MPP7: variants seen among roughly 807,000 people sequenced by gnomAD.
The protein encoded by MPP7 is MAGUK p55 scaffold protein 7.
In MPP7, 60 loss-of-function variants were observed where a neutral mutation model predicts 76.5. The ratio of observed to expected loss-of-function variants is 0.78; its 90% CI spans 0.64 to 0.97. The LOEUF (loss-of-function observed/expected upper bound fraction) is 0.97. Ranked by LOEUF, MPP7 falls within the 50% of genes least tolerant of loss-of-function variation. The pLI is 0.00. For synonymous variants in MPP7, 237 were observed against 244.5 expected (o/e 0.97, Z 0.29); for missense variants, 641 against 694.0 (o/e 0.92, Z 0.86).
Position 28,056,461 on chromosome 10 carries a change from C to CA in MPP7, c.1551+18dup, listed in dbSNP as rs765398267. The CA allele has an allele frequency of 6.2e-7, 1 of 1,603,604 alleles. No individual in the cohort carries two copies. The highest frequency in any genetic ancestry group is 8.5e-7 in the Non-Finnish European group (1 of 1,177,108). Reference sequence around the variant, plus strand: ...GGTGTGGGCCACCACACCTGGCCCCCAAGCATCATTATACTTACTGTGAAG... The same window carrying CA: ...GGTGTGGGCCACCACACCTGGCCCCCAAAGCATCATTATACTTACTGTGAAG... On this transcript the variant is annotated intron_variant, in intron 16 of 16. Transcript: ENST00000683449.
At chr10:28,059,600 T>A in intron 14 of MPP7, 50 bp downstream of exon 14, 1 of 1,190,388 alleles carries the variant, frequency 8.4e-7, no homozygotes, top group Non-Finnish European at 1.3e-6. Flanking sequence ...GGGACAGGCA[T>A]GTGCTTATAA....
intron 2 of MPP7, among the ~76,000 whole-genome samples, chr10:28,319,728 C>A (rs1347722807): frequency 6.6e-6 from 1 of 152,164 alleles, no homozygotes; most frequent in Non-Finnish European, 1.5e-5. Context: ...GTAATCCCAG[C>A]ACTTTGGGAG....
chr10:28,184,422 A>G (rs1250257515), intron 3 of MPP7, among the ~76,000 whole-genome samples: 1 of 148,600 alleles, frequency 6.7e-6, no homozygotes, highest in Non-Finnish European at 1.5e-5. Flanking sequence ...TTAAGATACT[A>G]TCTTGATCAG....
intron 6 of MPP7, among the ~76,000 whole-genome samples, chr10:28,129,067 T>C (rs569874538): frequency 6.6e-6 from 1 of 152,342 alleles, no homozygotes; most frequent in East Asian, 1.9e-4. Context: ...TGAATCAATC[T>C]TCACTTTGAA....
At chr10:28,114,178 CAGA>C (rs1834590230) in intron 11 of MPP7, among the ~76,000 whole-genome samples, 2 of 152,132 alleles carry the variant, frequency 1.3e-5, no homozygotes, top group South Asian at 4.1e-4. Context: ...TGGGAGGCCA[CAGA>C]AGGAGGATCA....
chr10:28,174,020 T>C (rs1244917175), intron 3 of MPP7, among the ~76,000 whole-genome samples: 5 of 152,022 alleles, frequency 3.3e-5, no homozygotes, highest in African/African-American at 7.3e-5. Flanking sequence ...ACGAAACATA[T>C]GAAGAAGTAC....
chr10:28,165,535 GAAA>G (rs11366770), intron 3 of MPP7, among the ~76,000 whole-genome samples: 10 of 135,734 alleles, frequency 7.4e-5, no homozygotes, highest in Middle Eastern at 3.9e-3. Flanking sequence ...CTAAGAAAAG[GAAA>G]AAAAAAAAAA....
intron 13 of MPP7, among the ~76,000 whole-genome samples, chr10:28,061,924 T>C (rs950951125): frequency 3.3e-5 from 5 of 152,036 alleles, no homozygotes; most frequent in Non-Finnish European, 7.4e-5. Flanking sequence ...CAAAATGTGT[T>C]TCAAGAATAA....
intron 2 of MPP7, among the ~76,000 whole-genome samples, chr10:28,222,713 G>A (rs1439768712): frequency 6.6e-6 from 1 of 151,676 alleles, no homozygotes; most frequent in Non-Finnish European, 1.5e-5. Context: ...TTAGCCAGGC[G>A]TGGTGGCGGG....
intron 11 of MPP7, among the ~76,000 whole-genome samples, chr10:28,110,609 C>T (rs1016777312): frequency 6.6e-6 from 1 of 152,058 alleles, no homozygotes; most frequent in African/African-American, 2.4e-5. Flanking sequence ...TTTTAAAGAA[C>T]TGATAAAAAC....
intron 12 of MPP7, among the ~76,000 whole-genome samples, chr10:28,082,204 C>G (rs1852795798): frequency 6.6e-6 from 1 of 151,992 alleles, no homozygotes; most frequent in Non-Finnish European, 1.5e-5. Flanking sequence ...CAGGAATAAC[C>G]CAGAATTTCC....
At chr10:28,326,162 C>CAG (rs1235624582) in intron 2 of MPP7, among the ~76,000 whole-genome samples, 6 of 152,066 alleles carry the variant, frequency 3.9e-5, no homozygotes, top group Admixed American at 3.9e-4. Context: ...CGTGATAATG[C>CAG]AGAGAAACGT....
At chr10:28,118,637 A>G (rs1028568093) in intron 11 of MPP7, 1 of 985,406 alleles carries the variant, frequency 1.0e-6, no homozygotes, top group Non-Finnish European at 1.2e-6. Flanking sequence ...GAAGACTTGT[A>G]GCATTCTGTG....
In MPP7 at chr10:28,116,405, T is replaced by C. The variant is rs556010495; in HGVS notation, c.952+3246A>G. On this transcript the variant is annotated intron_variant, in intron 11 of 16. Coordinates refer to ENST00000683449, the MANE Select transcript of MPP7 (RefSeq NM_001318170.2). ...AATGCAAGCTGCCAAGTTCCTGTCA[T>C]GCAAAAGTACTCCTACATTCTATCT... is the stretch of plus-strand genomic sequence containing the variant. Among the ~76,000 whole-genome samples the C allele has an allele frequency of 8.5e-5, 13 of 152,296 alleles. 1 individual carries two copies. In the South Asian group the frequency reaches 2.3e-3, roughly 27 times the overall value.
At chr10:28,147,749 G>A (rs567573929) in intron 4 of MPP7, among the ~76,000 whole-genome samples, 186 bp from the exon 5 acceptor site, 2 of 152,266 alleles carry the variant, frequency 1.3e-5, no homozygotes, top group East Asian at 3.9e-4. Flanking sequence ...GTCCAGATCC[G>A]AGCCCAGGCT....
At chr10:28,128,948 G>GATAAGTGCCCTGATAGA (rs1835104432) in intron 6 of MPP7, among the ~76,000 whole-genome samples, 1 of 152,202 alleles carries the variant, frequency 6.6e-6, no homozygotes, top group Non-Finnish European at 1.5e-5. Context: ...TATAGACAGA[G>GATAAGTGCCCTGATAGA]ATAAGTGCCC....
chr10:28,062,825 A>T (rs754378558), intron 13 of MPP7, among the ~76,000 whole-genome samples: 51 of 152,328 alleles, frequency 3.3e-4, no homozygotes, highest in African/African-American at 9.1e-4. Context: ...AAGTTTGCTA[A>T]GTAACAACAT....
At chr10:28,062,579 CA>C (rs1203871768) in intron 13 of MPP7, among the ~76,000 whole-genome samples, 16 of 123,930 alleles carry the variant, frequency 1.3e-4, no homozygotes, top group Admixed American at 2.6e-4. Context: ...CACACACACA[CA>C]CCAAAGGTTG....
At chr10:28,319,881 CAGG>C (rs1298701641) in intron 2 of MPP7, among the ~76,000 whole-genome samples, 1 of 152,044 alleles carries the variant, frequency 6.6e-6, no homozygotes, top group Non-Finnish European at 1.5e-5. Flanking sequence ...GAGGCTGAGG[CAGG>C]AGGATAGCTT....
Sources: gnomAD v4.1 joint callset for allele counts (sites outside exome capture counted in the v4.1 genomes callset) on GRCh38, gnomAD v4.1.1 for gene constraint, MANE v1.5 for transcripts, NCBI Gene and HGNC (gene_info 2026-07-23, HGNC 2026-07-21) for gene names.